Variants in ENKUR observed in about 807,000 individuals in gnomAD.
ENKUR encodes the protein enkurin, TRPC channel interacting protein, also known as enkurin.
Under a neutral mutation model 27.6 loss-of-function variants are expected in ENKUR, and 19 were observed. That is an observed-to-expected ratio of 0.69 (90% CI 0.48 to 1.01). The LOEUF (loss-of-function observed/expected upper bound fraction) is 1.01, where lower values mean the gene tolerates loss of function less well. Among genes scored for constraint, ENKUR ranks in the 50% least tolerant of loss-of-function variants. The pLI is 0.00. For synonymous variants in ENKUR, 117 were observed against 96.9 expected (o/e 1.21, Z -1.22); for missense variants, 312 against 310.5 (o/e 1.00, Z -0.04).
At chr10:25,040,248 G>A (rs148103843) in intron 2 of ENKUR, among the ~76,000 whole-genome samples, 16 of 152,222 alleles carry the variant, frequency 1.1e-4, no homozygotes, top group African/African-American at 3.6e-4. Context: ...TCAAGGTGTG[G>A]GGAAACAGAT....
intron 2 of ENKUR, among the ~76,000 whole-genome samples, chr10:25,057,380 TACACAC>T (rs139515865): frequency 0.047 from 5,584 of 117,706 alleles, 160 homozygotes; most frequent in South Asian, 0.14. Flanking sequence ...TGCACTTTGG[TACACAC>T]ACACACACAC....
At chr10:25,043,026 CTGTTATA>C (rs1284544814) in intron 2 of ENKUR, among the ~76,000 whole-genome samples, 2 of 152,030 alleles carry the variant, frequency 1.3e-5, no homozygotes, top group Non-Finnish European at 2.9e-5. Flanking sequence ...GATTATGTTA[CTGTTATA>C]TGTGAGAGCG....
intron 2 of ENKUR, among the ~76,000 whole-genome samples, chr10:25,028,327 C>T (rs953459006): frequency 6.6e-6 from 1 of 152,216 alleles, no homozygotes; most frequent in African/African-American, 2.4e-5. Context: ...ACATAACACA[C>T]CTCAGGCTTC....
At chr10:25,021,492 G>GT (rs1011167963) in intron 2 of ENKUR, among the ~76,000 whole-genome samples, 20 of 151,974 alleles carry the variant, frequency 1.3e-4, no homozygotes, top group African/African-American at 4.6e-4. Context: ...TTATTATTTG[G>GT]TTTTTTATTG....
At chr10:25,021,261 A>G (rs1295794237) in intron 2 of ENKUR, among the ~76,000 whole-genome samples, 1 of 152,220 alleles carries the variant, frequency 6.6e-6, no homozygotes, top group Non-Finnish European at 1.5e-5. Flanking sequence ...ATAGACACTT[A>G]TATAGCTAAG....
chr10:24,995,328 T>C (rs1288564569), intron 3 of ENKUR, among the ~76,000 whole-genome samples: 2 of 152,220 alleles, frequency 1.3e-5, no homozygotes, highest in Non-Finnish European at 2.9e-5. Context: ...CAGTAATGAC[T>C]GCTTTTAGTG....
chr10:24,996,739 TTTA>T (rs1204909755), intron 2 of ENKUR, among the ~76,000 whole-genome samples: 1 of 152,202 alleles, frequency 6.6e-6, no homozygotes, highest in African/African-American at 2.4e-5. Flanking sequence ...TTATATAACT[TTTA>T]TTATCAGCAA....
intron 2 of ENKUR, among the ~76,000 whole-genome samples, chr10:25,048,989 C>T (rs1851152997): frequency 6.6e-6 from 1 of 151,982 alleles, no homozygotes; most frequent in Non-Finnish European, 1.5e-5. Context: ...TTCTAGGAGG[C>T]TGTATATAAA....
chr10:25,007,118 T>C (rs1850328809), intron 1 of ENKUR, among the ~76,000 whole-genome samples: 1 of 152,204 alleles, frequency 6.6e-6, no homozygotes, highest in African/African-American at 2.4e-5. Flanking sequence ...TGTAAAAATT[T>C]GAGTCATCAT....
intron 4 of ENKUR, among the ~76,000 whole-genome samples, chr10:24,987,267 A>C (rs903957502): frequency 6.6e-6 from 1 of 152,094 alleles, no homozygotes; most frequent in Non-Finnish European, 1.5e-5. Context: ...GTAAATTCCT[A>C]CTGTCCCTGC....
intron 1 of ENKUR, among the ~76,000 whole-genome samples, chr10:25,007,097 C>T (rs1850328116): frequency 6.6e-6 from 1 of 152,302 alleles, no homozygotes; most frequent in South Asian, 2.1e-4. Flanking sequence ...CTGGCAGACA[C>T]AGTCTTATTC....
chr10:25,030,860 T>C (rs1850925823), intron 2 of ENKUR, among the ~76,000 whole-genome samples: 1 of 152,286 alleles, frequency 6.6e-6, no homozygotes, highest in South Asian at 2.1e-4. Context: ...GACTCATGCC[T>C]GTAATCCCAG....
intron 2 of ENKUR, chr10:25,021,616 A>T (rs1850720581): frequency 6.6e-6 from 1 of 152,214 alleles, no homozygotes; most frequent in Non-Finnish European, 1.5e-5. Context: ...GAAACATATG[A>T]AAAGGGTCAA....
At chr10:25,019,186 A>G (rs1850670554), upstream of ENKUR, among the ~76,000 whole-genome samples, 1 of 152,186 alleles carries the variant, frequency 6.6e-6, no homozygotes, top group Non-Finnish European at 1.5e-5. Context: ...ATATTTTAAA[A>G]TTTTAGTTGG....
upstream of ENKUR, among the ~76,000 whole-genome samples, chr10:25,017,305 G>A (rs1036268356): frequency 6.6e-6 from 1 of 152,146 alleles, no homozygotes; most frequent in Admixed American, 6.5e-5. Flanking sequence ...TGGGCCTGCC[G>A]TAGGAAAGTC....
intron 2 of ENKUR, among the ~76,000 whole-genome samples, chr10:25,027,356 TCAAAAAAAAAAAAAAAAAA>T (rs980041002): frequency 2.0e-4 from 9 of 45,736 alleles, no homozygotes; most frequent in Non-Finnish European, 3.3e-4. Flanking sequence ...GACTCCCGTC[TCAAAAAAAAAAAAAAAAAA>T]AAAAAAAAAA....
upstream of ENKUR, among the ~76,000 whole-genome samples, chr10:25,016,986 G>T (rs76554366): frequency 3.3e-5 from 5 of 152,252 alleles, no homozygotes; most frequent in Admixed American, 3.3e-4. Flanking sequence ...GTGCGCGCAC[G>T]GGGCCCGCGG....
intron 2 of ENKUR, chr10:25,023,136 T>C: frequency 7.5e-7 from 1 of 1,338,446 alleles, no homozygotes; most frequent in Non-Finnish European, 1.0e-6. Context: ...GTAACCAAAT[T>C]ATCTTTTGTT....
At chr10:25,055,099 C>T in intron 2 of ENKUR, among the ~76,000 whole-genome samples, 1 of 152,300 alleles carries the variant, frequency 6.6e-6, no homozygotes. Context: ...TTAATTCCAA[C>T]TTCTGTGGTC....
Sources: gnomAD v4.1 joint callset for allele counts (sites outside exome capture counted in the v4.1 genomes callset) on GRCh38, gnomAD v4.1.1 for gene constraint, MANE v1.5 for transcripts, NCBI Gene and HGNC (gene_info 2026-07-23, HGNC 2026-07-21) for gene names.